SMC2: variants seen among roughly 807,000 people sequenced by gnomAD.
The protein encoded by SMC2 is structural maintenance of chromosomes protein 2.
Under a neutral mutation model 142.6 loss-of-function variants are expected in SMC2, and 41 were observed. That is an observed-to-expected ratio of 0.29 (90% CI 0.22 to 0.37). The LOEUF is 0.37. SMC2 is among the 10% of genes least tolerant of loss of function. The probability of loss-of-function intolerance (pLI) is 1.00; values close to 1 mark genes in which losing one functional copy is unlikely to be tolerated. For synonymous variants in SMC2, 463 were observed against 457.5 expected, an observed-to-expected ratio of 1.01 and a Z score of -0.15; for missense variants, 1,265 against 1,373.7, an observed-to-expected ratio of 0.92 and a Z score of 1.25.
rs955155065 is a variant in SMC2 at position 104,127,142 on chromosome 9, T to C, written c.2596-144T>C. 6 of 621,174 alleles carry C rather than the reference T, an allele frequency of 9.7e-6. No individual in the cohort carries two copies. In the Admixed American group the frequency reaches 1.3e-4, roughly 13 times the overall value. 38.5% of individuals were successfully genotyped at this position (621,174 alleles called of 1,614,324 possible). ...TTGATTAGTCCTTTTAATGGTGATA[T>C]AAAATATAGAGGGTTAGGTGATCAT... is the stretch of plus-strand genomic sequence containing the variant. On this transcript the variant is annotated intron_variant, in intron 19 of 24. Coordinates refer to ENST00000374793, the MANE Select transcript of SMC2 (RefSeq NM_006444.3).
intron 9 of SMC2, among the ~76,000 whole-genome samples, chr9:104,106,865 C>T (rs571850155): frequency 3.9e-4 from 59 of 152,032 alleles, no homozygotes; most frequent in Non-Finnish European, 6.0e-4. Flanking sequence ...GCGTAATGCC[C>T]ATGTTCAGCC....
chr9:104,134,084 C>G (rs1817701805), intron 22 of SMC2, among the ~76,000 whole-genome samples: 1 of 151,928 alleles, frequency 6.6e-6, no homozygotes, highest in African/African-American at 2.4e-5. Context: ...AAACTTTGGA[C>G]TAGAGTTAGA....
intron 3 of SMC2, 32 bp from the exon 4 acceptor site, chr9:104,098,414 A>C (rs1830715167): frequency 6.5e-7 from 1 of 1,542,200 alleles, no homozygotes; most frequent in East Asian, 2.3e-5. Context: ...GTGCATGTAC[A>C]TTAATATTTA....
chr9:104,127,733 G>T (rs1321014504), intron 20 of SMC2, among the ~76,000 whole-genome samples: 12 of 152,024 alleles, frequency 7.9e-5, no homozygotes, highest in Non-Finnish European at 1.8e-4. Flanking sequence ...CAAATGTTTA[G>T]TGGTCTCCCA....
chr9:104,130,527 A>C (rs1834843705), intron 21 of SMC2, among the ~76,000 whole-genome samples: 1 of 152,188 alleles, frequency 6.6e-6, no homozygotes, highest in South Asian at 2.1e-4. Context: ...ATCAGAGTAA[A>C]ATTCATGAGA....
intron 16 of SMC2, 100 bp from the exon 17 acceptor site, chr9:104,123,008 C>T (rs1021302395): frequency 3.7e-5 from 45 of 1,216,190 alleles, no homozygotes; most frequent in South Asian, 1.1e-4. Context: ...TTGTTTATAA[C>T]GTATGTGAGT....
chr9:104,126,806 C>A, intron 19 of SMC2, 22 bp downstream of exon 19: 1 of 1,575,474 alleles, frequency 6.3e-7, no homozygotes, highest in South Asian at 1.2e-5. Flanking sequence ...TTATCAAATT[C>A]GAGAAATTGA....
intron 13 of SMC2, among the ~76,000 whole-genome samples, chr9:104,115,535 A>C (rs1224540249): frequency 1.3e-5 from 2 of 151,964 alleles, no homozygotes; most frequent in East Asian, 3.9e-4. Flanking sequence ...CGGTAAGCTG[A>C]GATTGCACCA....
At chr9:104,093,740 G>T (rs1411072190), upstream of SMC2, among the ~76,000 whole-genome samples, 1 of 152,154 alleles carries the variant, frequency 6.6e-6, no homozygotes, top group Non-Finnish European at 1.5e-5. Flanking sequence ...AGATAAAAAC[G>T]CTCCCCGAGG....
intron 22 of SMC2, among the ~76,000 whole-genome samples, chr9:104,133,889 TG>T (rs1454879165): frequency 1.3e-5 from 2 of 152,142 alleles, no homozygotes; most frequent in African/African-American, 4.8e-5. Context: ...CTTTTTCTCC[TG>T]GGCCTCACAT....
At position 104,096,569 on chromosome 9, in the gene SMC2, T is replaced by A. The variant is rs541308270; in HGVS notation, c.318+272T>A. Among the ~76,000 whole-genome samples the A allele has an allele frequency of 1.3e-5, 2 of 152,356 alleles. 1 individual carries two copies. Among genetic ancestry groups the A allele is most frequent in the African/African-American group, 4.8e-5 (2 of 41,580 alleles). On this transcript the variant is annotated intron_variant, in intron 3 of 24. Coordinates refer to ENST00000374793, the MANE Select transcript of SMC2 (RefSeq NM_006444.3). ...TAAACCATATTTGAATCTTCTTTGGTTGTTCTTGAACACCTGTGTACTTGA... is the reference window on the plus strand; with the variant it reads ...TAAACCATATTTGAATCTTCTTTGGATGTTCTTGAACACCTGTGTACTTGA...
chr9:104,116,782 A>C (rs984561884), intron 14 of SMC2, among the ~76,000 whole-genome samples: 1 of 152,232 alleles, frequency 6.6e-6, no homozygotes, highest in Non-Finnish European at 1.5e-5. Flanking sequence ...CTGTGCAGGT[A>C]CATAGCAGGT....
At chr9:104,089,083 A>G in the SMC2 span, among the ~76,000 whole-genome samples, 13 of 152,312 alleles carry the variant, frequency 8.5e-5, no homozygotes, top group African/African-American at 2.9e-4. Context: ...GCCACCTTAA[A>G]GAGGTTAGAA....
At chr9:104,132,651 G>GTAAT (rs1432979730) in intron 22 of SMC2, among the ~76,000 whole-genome samples, 1 of 152,018 alleles carries the variant, frequency 6.6e-6, no homozygotes, top group Non-Finnish European at 1.5e-5. Context: ...TTTTCTCTTT[G>GTAAT]TAATTCTGTA....
chr9:104,093,630 G>C (rs1830134298), upstream of SMC2, among the ~76,000 whole-genome samples: 1 of 152,142 alleles, frequency 6.6e-6, no homozygotes, highest in African/African-American at 2.4e-5. Context: ...ACGCTTTCCG[G>C]TATAAGGGAG....
chr9:104,119,316 C>T (rs529594409), intron 15 of SMC2, among the ~76,000 whole-genome samples: 1 of 152,022 alleles, frequency 6.6e-6, no homozygotes, highest in African/African-American at 2.4e-5. Flanking sequence ...AATAAGTAAC[C>T]CCGTATTTTA....
At chr9:104,099,745 C>A in intron 5 of SMC2, 63 bp downstream of exon 5, 2 of 1,026,556 alleles carry the variant, frequency 1.9e-6, no homozygotes, top group Admixed American at 2.2e-5. Context: ...ATCTTTCAGA[C>A]AATTTTTAAA....
intron 17 of SMC2, 64 bp from the exon 18 acceptor site, chr9:104,124,848 A>G (rs1834095231): frequency 7.8e-7 from 1 of 1,284,096 alleles, no homozygotes; most frequent in Non-Finnish European, 1.1e-6. Flanking sequence ...TCTTCTATTA[A>G]AAGTTGAATT....
upstream of SMC2, among the ~76,000 whole-genome samples, chr9:104,091,462 T>C (rs981787196): frequency 2.0e-5 from 3 of 152,192 alleles, no homozygotes; most frequent in African/African-American, 7.2e-5. Context: ...TGAAATATTA[T>C]GTGGTGCACG....
Sources: allele counts gnomAD v4.1 joint callset (sites outside exome capture counted in the v4.1 genomes callset), GRCh38; gene constraint gnomAD v4.1.1; transcripts MANE v1.5; gene names NCBI Gene and HGNC (gene_info 2026-07-23, HGNC 2026-07-21).